Variants in CRBN observed in about 807,000 individuals in gnomAD.
CRBN encodes protein cereblon.
CRBN carries 53 observed loss-of-function variants against 62.2 expected under a neutral mutation model. That is an observed-to-expected ratio of 0.85 (90% confidence interval 0.68 to 1.07). The LOEUF (loss-of-function observed/expected upper bound fraction) is 1.07. Ranked by LOEUF, CRBN falls within the 50% of genes least tolerant of loss-of-function variation. CRBN has a pLI of 0.00. For synonymous variants in CRBN, 208 were observed against 176.1 expected (o/e 1.18, Z -1.43); for missense variants, 616 against 531.1 (o/e 1.16, Z -1.57).
At chr3:3,158,671 G>A (rs1457556345) in intron 5 of CRBN, among the ~76,000 whole-genome samples, 1 of 152,176 alleles carries the variant, frequency 6.6e-6, no homozygotes, top group Non-Finnish European at 1.5e-5. Flanking sequence ...TCTAAGGTTA[G>A]TAGTTTATTA....
In CRBN at chr3:3,167,687, G is replaced by C. The variant is rs141771026; in HGVS notation, c.634C>G (p.Pro212Ala). The C allele has an allele frequency of 2.4e-5, 39 of 1,613,524 alleles. No homozygotes were observed. The African/African-American group carries it at 4.4e-4, about 18-fold the overall frequency. Residue 212 changes from proline to alanine, a missense_variant, in exon 5 of 11, where the codon CCT becomes GCT. Transcript: ENST00000231948. ...LNKCQIFPSK[P>A]VSREDQCSYK... Reference sequence around the variant, plus strand: ...GAACATTGGTCTTCTCTTGAGACAGGTTTTGAAGGAAATATCTGGCACTTA... The same window carrying C: ...GAACATTGGTCTTCTCTTGAGACAGCTTTTGAAGGAAATATCTGGCACTTA...
At chr3:3,151,486 C>T (rs1465493417) in intron 10 of CRBN, among the ~76,000 whole-genome samples, 1 of 88,820 alleles carries the variant, frequency 1.1e-5, no homozygotes. Context: ...GGACACGTCT[C>T]AAAAAGTAAA....
intron 9 of CRBN, 129 bp downstream of exon 9, chr3:3,153,295 T>A (rs1706715184): frequency 3.1e-6 from 2 of 638,288 alleles, no homozygotes; most frequent in Non-Finnish European, 5.7e-6. Flanking sequence ...GTGAGCTAAT[T>A]CCCTATATTT....
intron 1 of CRBN, among the ~76,000 whole-genome samples, chr3:3,179,367 G>A (rs561613529): frequency 6.6e-6 from 1 of 152,196 alleles, no homozygotes; most frequent in Non-Finnish European, 1.5e-5. Flanking sequence ...TGGAGAGGAT[G>A]GGTTTCCTGT....
chr3:3,153,830 C>G, intron 8 of CRBN, 130 bp downstream of exon 8: 1 of 690,278 alleles, frequency 1.4e-6, no homozygotes, highest in East Asian at 2.7e-5. Flanking sequence ...TTTGTAAGAT[C>G]CCAATTGAAA....
At chr3:3,149,827 A>ACATTTAACCTGATTAGTTTT (rs1163868586), downstream of CRBN, 1 of 152,154 alleles carries the variant, frequency 6.6e-6, no homozygotes, top group African/African-American at 2.4e-5. Context: ...ATTTGAGTAA[A>ACATTTAACCTGATTAGTTTT]CATTTAACCT....
Position 3,151,195 on chromosome 3 carries a change from TAA to T in CRBN, c.1149-152_1149-151del, listed in dbSNP as rs1706518663. 26 of 799,390 alleles carry T rather than the reference TAA, an allele frequency of 3.3e-5. No individual in the cohort carries two copies. The South Asian group carries it at 4.3e-4, about 13-fold the overall frequency. 49.5% of individuals were successfully genotyped at this position (799,390 alleles called of 1,614,324 possible). A position where few individuals can be genotyped will look rare whatever the true frequency, so the allele number is the denominator to read the frequency against. ...TTGATCCATACAGTTCCCTGAAACCTAAAAACATTTCTAAAAACATTTTCTAA... is the reference window on the plus strand; with the variant it reads ...TTGATCCATACAGTTCCCTGAAACCTAAACATTTCTAAAAACATTTTCTAA... On this transcript the variant is annotated intron_variant, in intron 10 of 10. Coordinates refer to ENST00000231948, the MANE Select transcript of CRBN (RefSeq NM_016302.4).
At chr3:3,154,427 C>CT (rs1210639800) in intron 7 of CRBN, 2 of 456,534 alleles carry the variant, frequency 4.4e-6, no homozygotes, top group African/African-American at 4.0e-5. Flanking sequence ...AGACTCACTT[C>CT]TTTTAAAGGC....
At chr3:3,173,969 C>A in intron 3 of CRBN, 90 bp downstream of exon 3, 2 of 1,137,488 alleles carry the variant, frequency 1.8e-6, no homozygotes, top group Non-Finnish European at 1.3e-6. Flanking sequence ...CCTGTACATG[C>A]GAAATAACAG....
At chr3:3,179,430 G>C (rs1210174495) in intron 1 of CRBN, among the ~76,000 whole-genome samples, 191 bp downstream of exon 1, 1 of 152,168 alleles carries the variant, frequency 6.6e-6, no homozygotes, top group Admixed American at 6.5e-5. Context: ...CGGGGCAACA[G>C]AGCAGCGAAG....
chr3:3,154,493 C>T, intron 7 of CRBN: 2 of 520,660 alleles, frequency 3.8e-6, no homozygotes. Flanking sequence ...GGATGACAGC[C>T]ACTTCCTGCA....
chr3:3,154,427 C>G, intron 7 of CRBN: 1 of 456,654 alleles, frequency 2.2e-6, no homozygotes, highest in Non-Finnish European at 3.9e-6. Flanking sequence ...AGACTCACTT[C>G]TTTTAAAGGC....
chr3:3,154,582 A>G, intron 7 of CRBN, 165 bp downstream of exon 7: 1 of 491,958 alleles, frequency 2.0e-6, no homozygotes, highest in Non-Finnish European at 3.5e-6. Flanking sequence ...TTAATTTTAA[A>G]ATACTCATTT....
At chr3:3,168,537 G>A (rs114931055) in intron 4 of CRBN, among the ~76,000 whole-genome samples, 1,666 of 152,230 alleles carry the variant, frequency 0.011, 30 homozygotes, top group Middle Eastern at 0.027. Context: ...CTCTTAGAGT[G>A]TAGCTTCTGA....
At chr3:3,173,546 C>T (rs1371787172) in intron 3 of CRBN, among the ~76,000 whole-genome samples, 1 of 152,182 alleles carries the variant, frequency 6.6e-6, no homozygotes, top group Non-Finnish European at 1.5e-5. Context: ...CTGCTGCTTA[C>T]TGGCAGCACT....
At chr3:3,156,116 A>G (rs114362347) in intron 6 of CRBN, 103 bp downstream of exon 6, 17,177 of 969,406 alleles carry the variant, frequency 0.018, 190 homozygotes, top group Non-Finnish European at 0.022. Flanking sequence ...ATCTTAAGTT[A>G]TAAGGCACTA....
At chr3:3,167,267 C>G (rs1383604979) in intron 5 of CRBN, among the ~76,000 whole-genome samples, 1 of 152,168 alleles carries the variant, frequency 6.6e-6, no homozygotes, top group Non-Finnish European at 1.5e-5. Context: ...TTCTCTACTA[C>G]TACTCTACCC....
chr3:3,175,011 C>T (rs1318639205), intron 2 of CRBN, 152 bp downstream of exon 2: 3 of 406,062 alleles, frequency 7.4e-6, no homozygotes, highest in African/African-American at 2.2e-5. Flanking sequence ...TTAAAAATTA[C>T]AGTTAAATGT....
Position 3,154,821 on chromosome 3 carries a change from A to G in CRBN, c.761T>C (p.Met254Thr). Reference protein sequence around the residue: ...LYSLYDAETLMDRIKKQLREW... With the variant: ...LYSLYDAETLTDRIKKQLREW... ...ACGTAGCTGTTTCTTGATTCTGTCC[A>G]TTAAGGTCTCCTTGTTTAAAATAAA... The change falls in exon 7 of 11, where the codon ATG (methionine) becomes ACG (threonine). Residue 254 changes from methionine to threonine, a missense_variant. By Grantham distance (81) the Met-to-Thr change is moderately conservative. Coordinates refer to ENST00000231948, the MANE Select transcript of CRBN (RefSeq NM_016302.4). 1 of 1,585,622 alleles carries G rather than the reference A, an allele frequency of 6.3e-7. No homozygotes were observed. Among genetic ancestry groups the G allele is most frequent in the Non-Finnish European group, 8.7e-7 (1 of 1,154,184 alleles).
Sources: gnomAD v4.1 joint callset for allele counts (sites outside exome capture counted in the v4.1 genomes callset) on GRCh38, gnomAD v4.1.1 for gene constraint, MANE v1.5 for transcripts, NCBI Gene and HGNC (gene_info 2026-07-23, HGNC 2026-07-21) for gene names.